Variants in ZNFX1 observed in about 807,000 individuals in gnomAD.
ZNFX1 encodes the protein NFX1-type zinc finger-containing protein 1.
A neutral mutation model predicts 179.8 loss-of-function variants in ZNFX1; 78 were observed. The observed-to-expected ratio is 0.43, with a 90% CI of 0.36 to 0.52. The LOEUF is 0.52. Among genes scored for constraint, ZNFX1 ranks in the 20% least tolerant of loss-of-function variants. ZNFX1 has a pLI of 0.00. For missense variants in ZNFX1, 1,927 were observed against 2,386.6 expected (o/e 0.81, Z 4.01); for synonymous variants, 848 against 868.5 (o/e 0.98, Z 0.42).
chr20:49,249,771 C>A, intron 13 of ZNFX1, 60 bp from the exon 14 acceptor site: 6 of 1,545,652 alleles, frequency 3.9e-6, no homozygotes, highest in Non-Finnish European at 4.4e-6. Flanking sequence ...TTTTTTTCTT[C>A]CTCTCTTGAC....
At chr20:49,273,862 C>T (rs371384351) in intron 2 of ZNFX1, among the ~76,000 whole-genome samples, 19 of 152,020 alleles carry the variant, frequency 1.2e-4, no homozygotes, top group African/African-American at 4.6e-4. Flanking sequence ...CCCGGGAGGT[C>T]GGGGCTGCAG....
Position 49,275,813 on chromosome 20 carries a change from A to C in ZNFX1, c.27T>G (p.Asp9Glu). 4.3e-6 allele frequency: 7 copies of C among 1,614,176 alleles called. No individual in the cohort carries two copies. Among genetic ancestry groups the C allele is most frequent in the Non-Finnish European group, 5.9e-6 (7 of 1,180,010 alleles). ...TGGTATGGGAATTCCTGGGCCTGGC[A>C]TCCAGATGAGGTCTTCTCTCCTCCA... Reference protein sequence around the residue: MEERRPHLDARPRNSHTNH... With the variant: MEERRPHLEARPRNSHTNH... The change falls in exon 2 of 14, where the codon GAT (aspartate) becomes GAG (glutamate). Residue 9 changes from aspartate to glutamate, a missense_variant. By Grantham distance (45) the Asp-to-Glu change is conservative. Transcript: ENST00000396105.
intron 2 of ZNFX1, among the ~76,000 whole-genome samples, chr20:49,275,059 C>G (rs1257553605): frequency 6.7e-6 from 1 of 149,400 alleles, no homozygotes; most frequent in Non-Finnish European, 1.5e-5. Context: ...GGAGGCGGAG[C>G]TTGCAGTGAG....
chr20:49,246,220 G>A lies in ZNFX1; in HGVS notation c.*1047C>T, dbSNP rs980852148. On this transcript the variant is annotated 3_prime_UTR_variant, in exon 14 of 14. Coordinates refer to ENST00000396105, the MANE Select transcript of ZNFX1 (RefSeq NM_021035.3). ...AAATGTGATTTTAGCTCCATTCAGGGCCCAGGGGTAACCAGCAGTGCCACC... is the reference window on the plus strand; with the variant it reads ...AAATGTGATTTTAGCTCCATTCAGGACCCAGGGGTAACCAGCAGTGCCACC... 1.6e-4 allele frequency: 25 copies of A among 152,346 alleles called. No homozygotes were observed. Among genetic ancestry groups the A allele is most frequent in the African/African-American group, 6.0e-4 (25 of 41,542 alleles). The allele number at this position is 152,346 out of a possible 1,614,324, so 9.4% of individuals were successfully genotyped here. A position where few individuals can be genotyped will look rare whatever the true frequency, so the allele number is the denominator to read the frequency against.
chr20:49,269,999 C>T lies in ZNFX1; in HGVS notation c.1813G>A (p.Ala605Thr), dbSNP rs1191097147. 1 of 1,613,970 alleles carries T rather than the reference C, an allele frequency of 6.2e-7. No homozygotes were observed. The highest frequency in any genetic ancestry group is 2.2e-5 in the East Asian group (1 of 44,892). Residue 605 changes from alanine to threonine, a missense_variant, in exon 3 of 14, where the codon GCC becomes ACC. Transcript: ENST00000396105. Reference protein sequence around the residue: ...ALKLDDSQMEALQFALTRELA... With the variant: ...ALKLDDSQMETLQFALTRELA... ...TCCCTTGTGAGAGCAAACTGCAAGG[C>T]TTCCATCTGGGAGTCATCCAGCTTC...
intron 4 of ZNFX1, 93 bp from the exon 5 acceptor site, chr20:49,264,957 C>A: frequency 6.5e-7 from 1 of 1,549,088 alleles, no homozygotes; most frequent in African/African-American, 1.4e-5. Flanking sequence ...CTAGTCTGGT[C>A]CCTTAGAGAA....
intron 3 of ZNFX1, among the ~76,000 whole-genome samples, chr20:49,267,138 T>C (rs1432213863): frequency 6.6e-6 from 1 of 152,154 alleles, no homozygotes; most frequent in African/African-American, 2.4e-5. Context: ...CCTTGTGATC[T>C]GTCCGCCTTG....
In ZNFX1 at chr20:49,247,861, C is replaced by G; in HGVS notation, c.5163G>C (p.Lys1721Asn). 1 of 1,614,148 alleles carries G rather than the reference C, an allele frequency of 6.2e-7. No individual in the cohort carries two copies. The highest frequency in any genetic ancestry group is 8.5e-7 in the Non-Finnish European group (1 of 1,180,012). ...CTCTTTTCTCTTCTAAGACATGCAT[C>G]TTTTTCAGGGAATCCCACAGGCTGG... ...HLASLWDSLK[K>N]MHVLEEKRVR... Residue 1721 changes from lysine to asparagine, a missense_variant, in exon 14 of 14, where the codon AAG becomes AAC. Transcript: ENST00000396105.
chr20:49,266,850 C>A (rs1238500462), intron 3 of ZNFX1, among the ~76,000 whole-genome samples: 4 of 152,080 alleles, frequency 2.6e-5, no homozygotes, highest in East Asian at 3.8e-4. Flanking sequence ...GTTATAGGCT[C>A]ATTAGTAAAT....
In ZNFX1 at chr20:49,275,338, C is replaced by CT. The variant is rs202055135; in HGVS notation, c.61+440dup. Among the ~76,000 whole-genome samples the CT allele has an allele frequency of 1.9e-3, 276 of 145,186 alleles. 2 individuals are homozygous for CT. Among genetic ancestry groups the CT allele is most frequent in the Admixed American group, 5.5e-3 (79 of 14,480 alleles). On this transcript the variant is annotated intron_variant, in intron 2 of 13. Coordinates refer to ENST00000396105, the MANE Select transcript of ZNFX1 (RefSeq NM_021035.3). Reference sequence around the variant, plus strand: ...TGAAGTAATTAAGAAATAACTCATTCTTTTTTTTTTTGAGACAAGGTCTTT... The same window carrying CT: ...TGAAGTAATTAAGAAATAACTCATTCTTTTTTTTTTTTGAGACAAGGTCTTT...
Position 49,264,843 on chromosome 20 carries a change from G to T in ZNFX1, c.2024C>A (p.Thr675Asn). The T allele has an allele frequency of 6.2e-7, 1 of 1,614,170 alleles. No homozygotes were observed. The highest frequency in any genetic ancestry group is 1.1e-5 in the South Asian group (1 of 91,080). The change falls in exon 5 of 14, where the codon ACC becomes AAC. Residue 675 changes from threonine (T) to asparagine (N), a missense_variant. By Grantham distance (65) the Thr-to-Asn change is moderately conservative. Transcript: ENST00000396105. ...CCTTCCACCCACCCGCACAATGCTG[G>T]TCTTCTGACAATTGTAGATGCCTGT... is the stretch of plus-strand genomic sequence containing the variant. ...FLEGIYNCQK[T>N]SIVRVGGRSN...
Position 49,251,585 on chromosome 20 carries a change from G to A in ZNFX1, c.3254C>T (p.Pro1085Leu). ...ATTCTCCAGATCCTGGTAAATGTGG[G>A]GGGTCAAAAGGCGGGCAATTTCAGG... is the stretch of plus-strand genomic sequence containing the variant. ...MCPEIARLLT[P>L]HIYQDLENHP... The change falls in exon 13 of 14, where the codon CCC becomes CTC. Residue 1085 changes from proline to leucine, a missense_variant. By Grantham distance (98) the Pro-to-Leu change is moderately conservative (BLOSUM62 -3). Transcript: ENST00000396105. 1 of 1,612,554 alleles carries A rather than the reference G, an allele frequency of 6.2e-7. No individual in the cohort carries two copies. The highest frequency in any genetic ancestry group is 8.5e-7 in the Non-Finnish European group (1 of 1,179,250).
intron 7 of ZNFX1, among the ~76,000 whole-genome samples, chr20:49,257,931 C>T (rs1385704937): frequency 1.3e-5 from 2 of 151,702 alleles, no homozygotes; most frequent in Admixed American, 1.3e-4. Context: ...TCAGGCTGGT[C>T]TCGAACTCCT....
intron 13 of ZNFX1, 105 bp from the exon 14 acceptor site, chr20:49,249,816 C>T (rs1220211666): frequency 1.1e-5 from 14 of 1,285,934 alleles, no homozygotes; most frequent in Non-Finnish European, 1.3e-5. Context: ...CAGAGAGAGA[C>T]CTTGGAAAGC....
chr20:49,270,423 T>C lies in ZNFX1; in HGVS notation c.1389A>G (p.Thr463=), dbSNP rs1981353230. 6.2e-7 allele frequency: 1 copy of C among 1,614,184 alleles called. No individual in the cohort carries two copies. The highest frequency in any genetic ancestry group is 1.7e-5 in the Admixed American group (1 of 60,022). ...TGTTAGATACGGTGGCAAAAAGAAA[T>C]GTCTCGAAGTTGTCCTTGGACATGC... ...LVCMSKDNFE[T]FLFATVSNRE... is the part of the protein sequence containing the mutation. Residue 463 remains threonine (T), a synonymous_variant, in exon 3 of 14, where the codon ACA becomes ACG. Coordinates refer to ENST00000396105, the MANE Select transcript of ZNFX1 (RefSeq NM_021035.3). This position sits in a 1 kb window ranked among gnomAD's most constrained non-coding sequence, Gnocchi z 4.6.
chr20:49,249,993 G>A (rs1054819542), intron 13 of ZNFX1, among the ~76,000 whole-genome samples: 4 of 152,308 alleles, frequency 2.6e-5, no homozygotes, highest in Admixed American at 2.0e-4. Context: ...AGTGGCTCAC[G>A]TCTGTAATCC....
rs1477864990 is a variant in ZNFX1, at chr20:49,270,006, C to A, written c.1806G>T (p.Gln602His). 1.2e-6 allele frequency: 2 copies of A among 1,614,130 alleles called. No homozygotes were observed. Among genetic ancestry groups the A allele is most frequent in the Non-Finnish European group, 1.7e-6 (2 of 1,180,034 alleles). ...TGAGAGCAAACTGCAAGGCTTCCAT[C>A]TGGGAGTCATCCAGCTTCAGGGCTT... ...SKEALKLDDS[Q>H]MEALQFALTR... is the part of the protein sequence containing the mutation. Residue 602 changes from glutamine to histidine, a missense_variant, in exon 3 of 14, where the codon CAG (glutamine) becomes CAT (histidine). Coordinates refer to ENST00000396105, the MANE Select transcript of ZNFX1 (RefSeq NM_021035.3). The surrounding 1 kb of genome is among the most constrained non-coding windows in gnomAD (Gnocchi z 4.6).
intron 12 of ZNFX1, among the ~76,000 whole-genome samples, chr20:49,252,162 A>T: frequency 7.1e-6 from 1 of 141,454 alleles, no homozygotes. Flanking sequence ...TTTTTTTCTG[A>T]GACAGAATCT....
chr20:49,270,442 G>A lies in ZNFX1; in HGVS notation c.1370C>T (p.Ser457Phe). ...RLLYGSLVCM[S>F]KDNFETFLFA... ...AAGAAATGTCTCGAAGTTGTCCTTG[G>A]ACATGCATACCAAAGACCCATAGAG... The change falls in exon 3 of 14, where the codon TCC (serine) becomes TTC (phenylalanine). Residue 457 changes from serine (S) to phenylalanine (F), a missense_variant. Physicochemically the swap from Ser to Phe is radical, Grantham distance 155 (BLOSUM62 -2). Transcript: ENST00000396105. The surrounding 1 kb of genome is among the most constrained non-coding windows in gnomAD (Gnocchi z 4.6). 1 of 1,614,188 alleles carries A rather than the reference G, an allele frequency of 6.2e-7. No homozygotes were observed. Among genetic ancestry groups the A allele is most frequent in the Non-Finnish European group, 8.5e-7 (1 of 1,180,046 alleles).
Sources: allele counts gnomAD v4.1 joint callset (sites outside exome capture counted in the v4.1 genomes callset), GRCh38; gene constraint gnomAD v4.1.1; non-coding constraint Gnocchi (gnomAD v3.1); transcripts MANE v1.5; gene names NCBI Gene and HGNC (gene_info 2026-07-23, HGNC 2026-07-21).